RASA3: variants seen among roughly 807,000 people sequenced by gnomAD.
RASA3 encodes the protein RAS p21 protein activator 3, also known as ras GTPase-activating protein 3.
RASA3 carries 73 observed loss-of-function variants against 110.0 expected under a neutral mutation model. That is an observed-to-expected ratio of 0.66 (90% CI 0.55 to 0.81). The LOEUF is 0.81. RASA3 is among the 30% of genes least tolerant of loss of function. The pLI is 0.00. For missense variants in RASA3, 976 were observed against 1,113.2 expected, an observed-to-expected ratio of 0.88 and a Z score of 1.75; for synonymous variants, 500 against 451.4, an observed-to-expected ratio of 1.11 and a Z score of -1.37.
chr13:114,063,504 A>G (rs779429993), intron 2 of RASA3, among the ~76,000 whole-genome samples: 3 of 152,162 alleles, frequency 2.0e-5, no homozygotes, highest in Admixed American at 1.3e-4. Flanking sequence ...TAAATTTTTT[A>G]AATAAAAGTG....
intron 1 of RASA3, among the ~76,000 whole-genome samples, chr13:114,103,395 C>T (rs2080084152): frequency 6.6e-6 from 1 of 152,090 alleles, no homozygotes; most frequent in African/African-American, 2.4e-5. Context: ...GAGCCCCAGA[C>T]ACACACTACA....
At chr13:114,013,064 C>T (rs895047743) in intron 15 of RASA3, 78 bp downstream of exon 15, 165 of 1,243,532 alleles carry the variant, frequency 1.3e-4, no homozygotes, top group Non-Finnish European at 1.8e-4. Context: ...CGGCCCCCTA[C>T]AGCCACGCAG....
At chr13:114,019,730 G>C (rs1213209302) in intron 9 of RASA3, among the ~76,000 whole-genome samples, 1 of 151,230 alleles carries the variant, frequency 6.6e-6, no homozygotes, top group African/African-American at 2.4e-5. Context: ...TGGAGCCTGT[G>C]TCTGAGACAT....
At position 114,011,904 on chromosome 13, in the gene RASA3, G is replaced by C. The variant is rs902349329; in HGVS notation, c.1513-656C>G. Among the ~76,000 whole-genome samples, 3 of 151,892 alleles carry C rather than the reference G, an allele frequency of 2.0e-5. No individual in the cohort carries two copies. Among genetic ancestry groups the C allele is most frequent in the African/African-American group, 4.8e-5 (2 of 41,298 alleles). ...ACCACTGCACGCCAGCCTGGTGACA[G>C]AGCAAGACTCTGTCTCAAAAAAAAA... On this transcript the variant is annotated intron_variant, in intron 15 of 23. Transcript: ENST00000334062. This position sits in a 1 kb window ranked among gnomAD's most constrained non-coding sequence, Gnocchi z 4.8.
chr13:114,016,077 C>A (rs192556258), intron 13 of RASA3, 120 bp downstream of exon 13: 3 of 828,208 alleles, frequency 3.6e-6, no homozygotes, highest in Non-Finnish European at 6.0e-6. Context: ...GGTATCCCCA[C>A]GCCTGGTCCT....
chr13:113,979,627 A>C (rs976993799), intron 23 of RASA3, among the ~76,000 whole-genome samples: 3 of 152,162 alleles, frequency 2.0e-5, no homozygotes, highest in African/African-American at 7.2e-5. Flanking sequence ...CAGGCGTGCA[A>C]GTACATGTGC....
intron 14 of RASA3, 56 bp downstream of exon 14, chr13:114,015,153 C>A (rs972312839): frequency 6.5e-5 from 104 of 1,603,562 alleles, no homozygotes; most frequent in Middle Eastern, 1.7e-4. Context: ...GTGGGAGTCA[C>A]CCTGCACAGC....
In RASA3 at chr13:114,024,137, T is replaced by G. The variant is rs2053983292; in HGVS notation, c.680+142A>C. 3.3e-6 allele frequency: 3 copies of G among 900,184 alleles called. No individual in the cohort carries two copies. In the South Asian group the frequency reaches 4.5e-5, roughly 13 times the overall value. The allele number at this position is 900,184 out of a possible 1,614,324, so 55.8% of individuals were successfully genotyped here. A position where few individuals can be genotyped will look rare whatever the true frequency, so the allele number is the denominator to read the frequency against. On this transcript the variant is annotated intron_variant, in intron 8 of 23. Coordinates refer to ENST00000334062, the MANE Select transcript of RASA3 (RefSeq NM_007368.4). ...ACAGGCTGTCACTTCAACTACAACT[T>G]CTAACATCCTGTTGTGAAAATTACC...
chr13:114,108,382 TCC>T, intron 1 of RASA3, among the ~76,000 whole-genome samples: 1 of 44,704 alleles, frequency 2.2e-5, no homozygotes, highest in East Asian at 6.9e-4. Context: ...ATCACCCCCA[TCC>T]GTCACCCCAT....
chr13:114,012,794 G>T (rs1309239622), intron 15 of RASA3, among the ~76,000 whole-genome samples: 1 of 67,058 alleles, frequency 1.5e-5, no homozygotes, highest in Non-Finnish European at 2.8e-5. Context: ...TCCCCACGCA[G>T]TCCACGCACT....
Position 114,057,361 on chromosome 13 carries a change from G to A in RASA3, c.174-5206C>T. On this transcript the variant is annotated intron_variant, in intron 2 of 23. Coordinates refer to ENST00000334062, the MANE Select transcript of RASA3 (RefSeq NM_007368.4). This position sits in a 1 kb window ranked among gnomAD's most constrained non-coding sequence, Gnocchi z 5.0. ...GACCAAGCTTCATTCCCACGAGCTG[G>A]ACGAGCAGAAGGCATTGCAGGGCAG... The A allele has an allele frequency of 1.0e-6, 1 of 985,384 alleles. No individual in the cohort carries two copies. The allele number at this position is 985,384 out of a possible 1,614,324, so 61.0% of individuals were successfully genotyped here.
Position 113,979,426 on chromosome 13 carries a change from A to C in RASA3, c.2430-4T>G, listed in dbSNP as rs1380630153. 6.3e-7 allele frequency: 1 copy of C among 1,591,538 alleles called. No homozygotes were observed. Among genetic ancestry groups the C allele is most frequent in the South Asian group, 1.1e-5 (1 of 90,628 alleles). On this transcript the variant is annotated splice_polypyrimidine_tract_variant and splice_region_variant and intron_variant, in intron 23 of 23. Transcript: ENST00000334062. ...CTTGTCTCCGATGGGGTGCTCCCTG[A>C]AAAGGGGGATGGGAGAGGGAATGAG...
intron 2 of RASA3, among the ~76,000 whole-genome samples, chr13:114,055,218 C>T (rs1160204505): frequency 1.3e-5 from 2 of 152,248 alleles, no homozygotes; most frequent in African/African-American, 4.8e-5. Context: ...TGTGTGCTCA[C>T]AGGCATGTGT....
intron 1 of RASA3, among the ~76,000 whole-genome samples, chr13:114,107,971 T>G (rs1232848728): frequency 6.6e-6 from 1 of 152,056 alleles, no homozygotes; most frequent in Admixed American, 6.5e-5. Flanking sequence ...GCCTGCTTCC[T>G]CGCCGGCATG....
Position 114,114,041 on chromosome 13 carries a change from G to C in RASA3, c.55+18394C>G, listed in dbSNP as rs1264016954. Among the ~76,000 whole-genome samples the C allele has an allele frequency of 6.7e-6, 1 of 148,710 alleles. No homozygotes were observed. Among genetic ancestry groups the C allele is most frequent in the Non-Finnish European group, 1.5e-5 (1 of 66,908 alleles). On this transcript the variant is annotated intron_variant, in intron 1 of 23. Transcript: ENST00000334062. This position sits in a 1 kb window ranked among gnomAD's most constrained non-coding sequence, Gnocchi z 4.8. Reference sequence around the variant, plus strand: ...CCACCCACCATGGCGAGTGATGTCCGTATAGCTCACACCGCATCCATCAAT... The same window carrying C: ...CCACCCACCATGGCGAGTGATGTCCCTATAGCTCACACCGCATCCATCAAT...
intron 1 of RASA3, among the ~76,000 whole-genome samples, chr13:114,099,182 C>T (rs56294535): frequency 3.5e-4 from 53 of 150,258 alleles, no homozygotes; most frequent in East Asian, 6.1e-4. Context: ...AGTCGGGGCC[C>T]GGCCACCCGA....
chr13:114,016,198 A>G lies in RASA3; in HGVS notation c.1280T>C (p.Met427Thr). The change falls in exon 13 of 24, where the codon ATG becomes ACG. Residue 427 changes from methionine (M) to threonine (T), a missense_variant and splice_region_variant. By Grantham distance (81) the Met-to-Thr change is moderately conservative (BLOSUM62 -1). Around this residue, in one of 4 missense-constraint regions of RASA3, gnomAD observed 732 missense variants for 779.7 expected, o/e 0.94. Transcript: ENST00000334062. ...GGTTGGTTCATGAACAAAACCTACC[A>G]TGTTGTTTTCAAGGTTTTCTCCGTC... ...LKDGENLENNMENLRQYVDRV... is the reference protein window; with the variant it reads ...LKDGENLENNTENLRQYVDRV... 2 of 1,581,938 alleles carry G rather than the reference A, an allele frequency of 1.3e-6. No individual in the cohort carries two copies. Among genetic ancestry groups the G allele is most frequent in the Non-Finnish European group, 1.7e-6 (2 of 1,151,062 alleles).
chr13:114,013,648 G>C (rs1222598396), intron 14 of RASA3, among the ~76,000 whole-genome samples: 28 of 61,954 alleles, frequency 4.5e-4, no homozygotes, highest in Admixed American at 1.1e-3. Context: ...CCATCTCTTT[G>C]TCTCTCTCCC....
intron 4 of RASA3, among the ~76,000 whole-genome samples, chr13:114,031,526 G>A (rs897427171): frequency 9.6e-6 from 1 of 104,086 alleles, no homozygotes; most frequent in South Asian, 3.2e-4. Flanking sequence ...GCGCGTGGCT[G>A]TGTGTCCACC....
Sources: gnomAD v4.1 joint callset for allele counts (sites outside exome capture counted in the v4.1 genomes callset) on GRCh38, gnomAD v4.1.1 for gene constraint, gnomAD v4.1.1 regional missense constraint, Gnocchi (gnomAD v3.1) non-coding constraint, MANE v1.5 for transcripts, NCBI Gene and HGNC (gene_info 2026-07-23, HGNC 2026-07-21) for gene names.